NTNG1: variants seen among roughly 807,000 people sequenced by gnomAD.
NTNG1 encodes the protein netrin G1.
NTNG1 carries 16 observed loss-of-function variants against 54.0 expected under a neutral mutation model. That is an observed-to-expected ratio of 0.30 (90% CI 0.20 to 0.45). The LOEUF (loss-of-function observed/expected upper bound fraction) is 0.45, where lower values mean the gene tolerates loss of function less well. Ranked by LOEUF, NTNG1 falls within the 20% of genes least tolerant of loss-of-function variation. NTNG1 has a pLI of 1.00. For missense variants in NTNG1, 530 were observed against 678.7 expected, an observed-to-expected ratio of 0.78 and a Z score of 2.43; for synonymous variants, 255 against 263.1, an observed-to-expected ratio of 0.97 and a Z score of 0.30.
intron 7 of NTNG1, among the ~76,000 whole-genome samples, chr1:107,452,197 T>G (rs1291240389): frequency 6.6e-6 from 1 of 152,216 alleles, no homozygotes; most frequent in African/African-American, 2.4e-5. Context: ...TTGGTATTAC[T>G]GTACTATAAT....
At chr1:107,285,263 G>A in intron 2 of NTNG1, among the ~76,000 whole-genome samples, 1 of 152,126 alleles carries the variant, frequency 6.6e-6, no homozygotes, top group Non-Finnish European at 1.5e-5. Flanking sequence ...CTAAGGAGGT[G>A]CATTTACTCT....
At chr1:107,174,744 T>C (rs983819248) in intron 2 of NTNG1, among the ~76,000 whole-genome samples, 21 of 139,250 alleles carry the variant, frequency 1.5e-4, no homozygotes, top group Non-Finnish European at 2.8e-4. Context: ...ATTTAGAGAT[T>C]TTTTTTTTTT....
intron 2 of NTNG1, among the ~76,000 whole-genome samples, chr1:107,216,234 G>A (rs570929915): frequency 6.6e-6 from 1 of 152,152 alleles, no homozygotes; most frequent in African/African-American, 2.4e-5. Context: ...CAGTTCTCAG[G>A]GGGGATGTTT....
At chr1:107,413,373 A>G (rs1278438957) in intron 5 of NTNG1, among the ~76,000 whole-genome samples, 1 of 151,948 alleles carries the variant, frequency 6.6e-6, no homozygotes, top group Non-Finnish European at 1.5e-5. Context: ...TCACCCTATT[A>G]GCCAGGATGG....
intron 3 of NTNG1, among the ~76,000 whole-genome samples, chr1:107,325,168 A>C (rs1186415344): frequency 6.6e-6 from 1 of 152,168 alleles, no homozygotes; most frequent in Non-Finnish European, 1.5e-5. Context: ...TGAATTTTAA[A>C]AAGTAACTCC....
rs1438917152 is a variant in NTNG1, at chr1:107,208,435, A to AC, written c.246+59596_246+59597insC. 6.6e-5 allele frequency among the ~76,000 whole-genome samples: 10 copies of AC among 151,144 alleles called. No individual in the cohort carries two copies. The East Asian group carries it at 1.9e-3, about 29-fold the overall frequency. On this transcript the variant is annotated intron_variant, in intron 2 of 7. Coordinates refer to ENST00000370068, the MANE Select transcript of NTNG1 (RefSeq NM_001113226.3). ...ACAAGAGCCAAACATCATCTCAAAA[A>AC]AAAAAAAAAGAAAGAAAGAAAGAAA...
intron 2 of NTNG1, among the ~76,000 whole-genome samples, chr1:107,196,114 T>C (rs569225153): frequency 6.6e-6 from 1 of 152,130 alleles, no homozygotes; most frequent in East Asian, 1.9e-4. Flanking sequence ...AATGACTTCC[T>C]ACCTCTCCAA....
intron 3 of NTNG1, among the ~76,000 whole-genome samples, chr1:107,394,185 G>A (rs1459051132): frequency 6.6e-6 from 1 of 152,122 alleles, no homozygotes; most frequent in Non-Finnish European, 1.5e-5. Context: ...ACCTCTGGTT[G>A]TGGCCATTCT....
chr1:107,413,388 G>A (rs1673972971), intron 5 of NTNG1, among the ~76,000 whole-genome samples: 1 of 151,924 alleles, frequency 6.6e-6, no homozygotes, highest in South Asian at 2.1e-4. Context: ...GGATGGTCCT[G>A]TGGATTTCTT....
chr1:107,387,021 G>A (rs1184851594), intron 3 of NTNG1, among the ~76,000 whole-genome samples: 1 of 152,094 alleles, frequency 6.6e-6, no homozygotes, highest in Admixed American at 6.5e-5. Context: ...ATTTCTTCGT[G>A]TGCTTATTGG....
intron 2 of NTNG1, among the ~76,000 whole-genome samples, chr1:107,183,691 A>G (rs1657237347): frequency 6.6e-6 from 1 of 152,146 alleles, no homozygotes; most frequent in Admixed American, 6.6e-5. Flanking sequence ...TAATTCTACT[A>G]TGGAAGTCAT....
Position 107,148,424 on chromosome 1 carries a change from T to C in NTNG1, c.-170T>C, listed in dbSNP as rs1654298245. ...GCACAATATCTTAACTCTTCATATT[T>C]GGTTTTGGGATCTGCTTTGAGGTCC... On this transcript the variant is annotated 5_prime_UTR_variant, in exon 2 of 8. Coordinates refer to ENST00000370068, the MANE Select transcript of NTNG1 (RefSeq NM_001113226.3). 2 of 613,232 alleles carry C rather than the reference T, an allele frequency of 3.3e-6. No individual in the cohort carries two copies. Among genetic ancestry groups the C allele is most frequent in the East Asian group, 5.5e-5 (2 of 36,568 alleles). The allele number at this position is 613,232 out of a possible 1,614,324, so 38.0% of individuals were successfully genotyped here.
At chr1:107,357,467 G>A (rs1423418523) in intron 3 of NTNG1, among the ~76,000 whole-genome samples, 3 of 152,152 alleles carry the variant, frequency 2.0e-5, no homozygotes, top group Non-Finnish European at 4.4e-5. Flanking sequence ...ATAAACATAT[G>A]AGAGCTCAGC....
chr1:107,381,344 TAACTA>T (rs1671632102), intron 3 of NTNG1, among the ~76,000 whole-genome samples: 1 of 107,134 alleles, frequency 9.3e-6, no homozygotes, highest in Admixed American at 1.0e-4. Context: ...CCTTTCTCTT[TAACTA>T]AAAAAAAAAA....
intron 5 of NTNG1, among the ~76,000 whole-genome samples, chr1:107,411,204 T>C (rs10748505): frequency 0.44 from 66,690 of 151,858 alleles, 15,611 homozygotes; most frequent in Non-Finnish European, 0.52. Context: ...CCCTAACTTA[T>C]TCAATTTAAA....
At chr1:107,413,540 A>G (rs1413826777) in intron 5 of NTNG1, among the ~76,000 whole-genome samples, 1 of 152,104 alleles carries the variant, frequency 6.6e-6, no homozygotes, top group Non-Finnish European at 1.5e-5. Context: ...TTGTAATTTT[A>G]TCTCCACCAG....
At chr1:107,418,341 A>G (rs773976021) in intron 5 of NTNG1, among the ~76,000 whole-genome samples, 1 of 152,052 alleles carries the variant, frequency 6.6e-6, no homozygotes, top group African/African-American at 2.4e-5. Context: ...ACCTTATTTT[A>G]AAAGTAAATG....
chr1:107,372,810 G>C (rs1005748953), intron 3 of NTNG1, among the ~76,000 whole-genome samples: 2 of 151,892 alleles, frequency 1.3e-5, no homozygotes, highest in Non-Finnish European at 2.9e-5. Flanking sequence ...TCAATTTAAA[G>C]TTCTGCTTCA....
chr1:107,288,534 A>G (rs1380313913), intron 2 of NTNG1, among the ~76,000 whole-genome samples: 1 of 152,192 alleles, frequency 6.6e-6, no homozygotes, highest in Non-Finnish European at 1.5e-5. Context: ...GAGCAGGAAG[A>G]TAATCAAATA....
Sources: allele counts gnomAD v4.1 joint callset (sites outside exome capture counted in the v4.1 genomes callset), GRCh38; gene constraint gnomAD v4.1.1; transcripts MANE v1.5; gene names NCBI Gene and HGNC (gene_info 2026-07-23, HGNC 2026-07-21).